Variants in USH2A observed in about 807,000 individuals in gnomAD.
USH2A encodes Usher syndrome 2A (autosomal recessive, mild).
Under a neutral mutation model 538.9 loss-of-function variants are expected in USH2A, and 443 were observed. The ratio of observed to expected loss-of-function variants is 0.82; its 90% CI spans 0.76 to 0.89. The LOEUF is 0.89. USH2A is among the 40% of genes least tolerant of loss of function. USH2A has a pLI of 0.00. For missense variants in USH2A, 6,633 were observed against 6,324.8 expected (o/e 1.05, Z -1.65); for synonymous variants, 2,413 against 2,273.5 (o/e 1.06, Z -1.75).
chr1:215,790,312 T>C (rs373082781), intron 50 of USH2A, 30 bp from the exon 51 acceptor site: 138 of 1,610,060 alleles, frequency 8.6e-5, no homozygotes, highest in Non-Finnish European at 1.1e-4. Flanking sequence ...TATATGAATA[T>C]GAAATAGAAA....
intron 3 of USH2A, among the ~76,000 whole-genome samples, chr1:216,386,975 C>G (rs1184145197): frequency 6.6e-6 from 1 of 152,140 alleles, no homozygotes. Flanking sequence ...AACTTTATCA[C>G]AGAACAACTT....
intron 3 of USH2A, among the ~76,000 whole-genome samples, chr1:216,380,933 T>G (rs1312780196): frequency 6.6e-6 from 1 of 151,996 alleles, no homozygotes; most frequent in Non-Finnish European, 1.5e-5. Flanking sequence ...GATATTTTGC[T>G]CTTCTGAGCA....
intron 22 of USH2A, among the ~76,000 whole-genome samples, chr1:216,094,990 G>C (rs1461481969): frequency 6.6e-6 from 1 of 151,920 alleles, no homozygotes; most frequent in East Asian, 1.9e-4. Flanking sequence ...ATAGGCATAT[G>C]TGTGTATGTA....
At chr1:216,420,809 AT>A (rs201341043) in intron 2 of USH2A, among the ~76,000 whole-genome samples, 5,069 of 152,262 alleles carry the variant, frequency 0.033, 115 homozygotes, top group South Asian at 0.074. Flanking sequence ...TTTGTGATTA[AT>A]TTTGTGATTA....
chr1:216,321,935 CTTG>C lies in USH2A; in HGVS notation c.1589_1591del (p.Thr530del), dbSNP rs1553250409. The C allele has an allele frequency of 1.2e-6, 2 of 1,613,818 alleles. No individual in the cohort carries two copies. Among genetic ancestry groups the C allele is most frequent in the East Asian group, 4.5e-5 (2 of 44,852 alleles). The stretch of plus-strand genomic sequence containing the variant: ...GGAGCAGAGGCATCTATATGGCTGG[CTTG>C]TTGTGTCGCAGTTATCGGCATGACC... On this transcript the variant is annotated inframe_deletion, in exon 9 of 72. Coordinates refer to ENST00000307340, the MANE Select transcript of USH2A (RefSeq NM_206933.4).
At chr1:215,894,179 T>C (rs950333061) in intron 40 of USH2A, among the ~76,000 whole-genome samples, 1 of 152,308 alleles carries the variant, frequency 6.6e-6, no homozygotes, top group South Asian at 2.1e-4. Flanking sequence ...AATAGTTGTG[T>C]AGCACTACTG....
At chr1:216,331,899 G>A (rs566549425) in intron 4 of USH2A, among the ~76,000 whole-genome samples, 82 of 152,196 alleles carry the variant, frequency 5.4e-4, no homozygotes, top group African/African-American at 1.9e-3. Context: ...AAAAGCAATG[G>A]GAACACTGGC....
chr1:216,026,793 A>G (rs1235779349), intron 32 of USH2A, among the ~76,000 whole-genome samples: 3 of 152,158 alleles, frequency 2.0e-5, no homozygotes, highest in African/African-American at 4.8e-5. Context: ...GTTATGAGAG[A>G]GGGGTACACA....
rs573524059 is a variant in USH2A at position 215,643,061 on chromosome 1, T to C, written c.14792-2327A>G. Among the ~76,000 whole-genome samples the C allele has an allele frequency of 2.0e-5, 3 of 152,316 alleles. No homozygotes were observed. In the East Asian group the frequency reaches 5.8e-4, roughly 29 times the overall value. ...CCCAGGCTAGAGTGCAGTGGCGCTA[T>C]CTCGGCTCACTGCAACCTCCGCCTC... On this transcript the variant is annotated intron_variant, in intron 67 of 71. Coordinates refer to ENST00000307340, the MANE Select transcript of USH2A (RefSeq NM_206933.4).
chr1:215,795,418 T>C (rs1662098393), intron 50 of USH2A, among the ~76,000 whole-genome samples: 1 of 152,152 alleles, frequency 6.6e-6, no homozygotes, highest in Non-Finnish European at 1.5e-5. Flanking sequence ...TTCTCCTTGA[T>C]TAGGTTGTAA....
chr1:216,196,663 A>T lies in USH2A; in HGVS notation c.4141T>A (p.Ser1381Thr). The T allele has an allele frequency of 4.3e-6, 7 of 1,613,516 alleles. No homozygotes were observed. Among genetic ancestry groups the T allele is most frequent in the Non-Finnish European group, 5.9e-6 (7 of 1,179,696 alleles). The change falls in exon 19 of 72, where the codon TCC becomes ACC. Residue 1381 changes from serine to threonine, a missense_variant. Coordinates refer to ENST00000307340, the MANE Select transcript of USH2A (RefSeq NM_206933.4). ...ACATTATCTGCTGGCTTCTCCCAGG[A>T]GATATTGAGAGAGTACGAAGAGAGG... Reference protein sequence around the residue: ...FPLSSYSLNISWEKPADNVTR... With the variant: ...FPLSSYSLNITWEKPADNVTR...
At chr1:216,292,439 T>G in intron 9 of USH2A, 69 bp from the exon 10 acceptor site, 1 of 1,519,758 alleles carries the variant, frequency 6.6e-7, no homozygotes, top group Non-Finnish European at 9.0e-7. Context: ...ATTGATATGT[T>G]AGGCCTTTCA....
chr1:215,887,316 A>C (rs1417160040), intron 41 of USH2A, among the ~76,000 whole-genome samples: 1 of 152,114 alleles, frequency 6.6e-6, no homozygotes, highest in Non-Finnish European at 1.5e-5. Flanking sequence ...CTGCTACCAA[A>C]GTTTTACAAA....
chr1:215,763,188 T>C (rs1661030514), intron 56 of USH2A, among the ~76,000 whole-genome samples: 2 of 152,190 alleles, frequency 1.3e-5, no homozygotes, highest in South Asian at 2.1e-4. Context: ...GATGGGAAGA[T>C]AAAGACTTTT....
chr1:215,867,343 C>T (rs1165093610), intron 43 of USH2A, among the ~76,000 whole-genome samples, 173 bp from the exon 44 acceptor site: 1 of 152,188 alleles, frequency 6.6e-6, no homozygotes, highest in African/African-American at 2.4e-5. Flanking sequence ...CCTTACACAA[C>T]ACATATCATT....
intron 32 of USH2A, among the ~76,000 whole-genome samples, chr1:216,034,303 T>C (rs1314700220): frequency 1.3e-5 from 2 of 152,112 alleles, no homozygotes; most frequent in Admixed American, 1.3e-4. Flanking sequence ...TAAAACATCA[T>C]GAATTATACA....
chr1:216,280,197 T>C (rs1385307046), intron 11 of USH2A, among the ~76,000 whole-genome samples: 4 of 151,722 alleles, frequency 2.6e-5, no homozygotes, highest in Admixed American at 2.0e-4. Flanking sequence ...AAGTAATTCA[T>C]GCATTAAGTT....
At chr1:216,168,382 G>C in intron 21 of USH2A, among the ~76,000 whole-genome samples, 1 of 152,066 alleles carries the variant, frequency 6.6e-6, no homozygotes, top group East Asian at 1.9e-4. Context: ...ATATAGAAAT[G>C]AAAATGACTT....
At chr1:216,010,976 T>A (rs375157394) in intron 32 of USH2A, among the ~76,000 whole-genome samples, 38 of 152,128 alleles carry the variant, frequency 2.5e-4, no homozygotes, top group African/African-American at 5.1e-4. Context: ...CCCTTACCCC[T>A]CTCAATGCCA....
Sources: gnomAD v4.1 joint callset for allele counts (sites outside exome capture counted in the v4.1 genomes callset) on GRCh38, gnomAD v4.1.1 for gene constraint, MANE v1.5 for transcripts, NCBI Gene and HGNC (gene_info 2026-07-23, HGNC 2026-07-21) for gene names.